Variants in PSMD5 observed in about 807,000 individuals in gnomAD.
The protein encoded by PSMD5 is proteasome 26S subunit, non-ATPase 5, also known as 26S proteasome non-ATPase regulatory subunit 5.
Under a neutral mutation model 52.1 loss-of-function variants are expected in PSMD5, and 40 were observed. The observed-to-expected ratio is 0.77, with a 90% confidence interval of 0.60 to 1.00. The LOEUF is 1.00. PSMD5 is among the 50% of genes least tolerant of loss of function. The probability of loss-of-function intolerance (pLI) is 0.00; values close to 1 mark genes in which losing one functional copy is unlikely to be tolerated. For missense variants in PSMD5, 575 were observed against 605.2 expected, an observed-to-expected ratio of 0.95 and a Z score of 0.52; for synonymous variants, 211 against 226.6, an observed-to-expected ratio of 0.93 and a Z score of 0.62.
In PSMD5 at chr9:120,817,597, C is replaced by T. The variant is rs1395213725; in HGVS notation, c.*309G>A. ...TGAAGCAGGCTTTTAGATAAGATTGCATGTCCATGAAAATTTTGAGGGAAG... is the reference window on the plus strand; with the variant it reads ...TGAAGCAGGCTTTTAGATAAGATTGTATGTCCATGAAAATTTTGAGGGAAG... On this transcript the variant is annotated 3_prime_UTR_variant, in exon 10 of 10. Coordinates refer to ENST00000210313, the MANE Select transcript of PSMD5 (RefSeq NM_005047.4). The T allele has an allele frequency of 7.1e-6, 2 of 280,770 alleles. No individual in the cohort carries two copies. Among genetic ancestry groups the T allele is most frequent in the Non-Finnish European group, 1.3e-5 (2 of 148,472 alleles). The allele number at this position is 280,770 out of a possible 1,614,324, so 17.4% of individuals were successfully genotyped here.
intron 9 of PSMD5, among the ~76,000 whole-genome samples, chr9:120,819,694 G>A (rs1391258825): frequency 1.3e-5 from 2 of 152,160 alleles, no homozygotes; most frequent in Non-Finnish European, 2.9e-5. Flanking sequence ...GAAATTAGTC[G>A]GGCATGGTGG....
At chr9:120,826,493 A>G in intron 6 of PSMD5, 1 of 326,164 alleles carries the variant, frequency 3.1e-6, no homozygotes, top group Non-Finnish European at 5.5e-6. Flanking sequence ...TTCTGTTAAC[A>G]TAGTATATCT....
intron 7 of PSMD5, 38 bp downstream of exon 7, chr9:120,824,456 G>C (rs113401299): frequency 1.3e-6 from 2 of 1,598,694 alleles, no homozygotes; most frequent in Admixed American, 3.3e-5. Context: ...CCCTGTCAAA[G>C]ATTAAGATAT....
chr9:120,838,096 C>T (rs2045210316), intron 1 of PSMD5, among the ~76,000 whole-genome samples: 1 of 152,180 alleles, frequency 6.6e-6, no homozygotes, highest in South Asian at 2.1e-4. Context: ...TGAGAGAAAG[C>T]AGATCAGTGG....
intron 1 of PSMD5, among the ~76,000 whole-genome samples, chr9:120,841,477 GC>G (rs2045236115): frequency 6.6e-6 from 1 of 152,138 alleles, no homozygotes; most frequent in Non-Finnish European, 1.5e-5. Flanking sequence ...TACTCGGCAG[GC>G]TGAGGCAGGA....
Position 120,831,636 on chromosome 9 carries a change from A to G in PSMD5, c.433-177T>C, listed in dbSNP as rs921906246. ...ATTATGATGGATACTGTAGATATGT[A>G]TATCCTAGAAAATGAAAGGGGTTTA... On this transcript the variant is annotated intron_variant, in intron 3 of 9. Transcript: ENST00000210313. 1.3e-5 allele frequency: 14 copies of G among 1,078,068 alleles called. No homozygotes were observed. In the African/African-American group the frequency reaches 2.1e-4, roughly 16 times the overall value. The allele number at this position is 1,078,068 out of a possible 1,614,324, so 66.8% of individuals were successfully genotyped here. A position where few individuals can be genotyped will look rare whatever the true frequency, so the allele number is the denominator to read the frequency against.
intron 4 of PSMD5, 53 bp from the exon 5 acceptor site, chr9:120,829,261 G>A (rs778598830): frequency 1.2e-5 from 18 of 1,462,414 alleles, no homozygotes; most frequent in South Asian, 5.6e-5. Flanking sequence ...TCAGCCCTAC[G>A]CCTGATAGAT....
chr9:120,826,016 ATGGAGTCTCACTC>A (rs2045119424), intron 6 of PSMD5, among the ~76,000 whole-genome samples: 1 of 129,142 alleles, frequency 7.7e-6, no homozygotes, highest in African/African-American at 3.0e-5. Flanking sequence ...TTTTTTTGAG[ATGGAGTCTCACTC>A]TGTTGTCCAG....
chr9:120,832,963 T>C (rs1319958006), intron 2 of PSMD5, among the ~76,000 whole-genome samples: 1 of 152,242 alleles, frequency 6.6e-6, no homozygotes, highest in East Asian at 1.9e-4. Context: ...TTCTTTACAC[T>C]AGGAGCTCCT....
chr9:120,834,064 C>A (rs922328501), intron 1 of PSMD5, among the ~76,000 whole-genome samples: 1 of 150,490 alleles, frequency 6.6e-6, no homozygotes, highest in African/African-American at 2.5e-5. Flanking sequence ...ACTGCAACCT[C>A]CGCCTCCTGG....
chr9:120,830,984 G>A (rs2045155749), intron 4 of PSMD5, among the ~76,000 whole-genome samples: 1 of 152,038 alleles, frequency 6.6e-6, no homozygotes, highest in African/African-American at 2.4e-5. Flanking sequence ...TCTGGGCTCA[G>A]TTGATCCTCC....
intron 7 of PSMD5, 60 bp from the exon 8 acceptor site, chr9:120,821,524 T>A (rs1564474016): frequency 4.9e-5 from 61 of 1,240,202 alleles, no homozygotes; most frequent in Non-Finnish European, 6.7e-5. Context: ...AACATAAAAT[T>A]TACCATTTTA....
At chr9:120,831,559 A>G in intron 3 of PSMD5, 100 bp from the exon 4 acceptor site, 2 of 1,361,374 alleles carry the variant, frequency 1.5e-6, no homozygotes, top group Admixed American at 2.4e-5. Flanking sequence ...CACCTTGCCC[A>G]TGTTTTAGCT....
chr9:120,836,167 T>C (rs1372727538), intron 1 of PSMD5, among the ~76,000 whole-genome samples: 1 of 152,220 alleles, frequency 6.6e-6, no homozygotes. Flanking sequence ...CAGAATTTCC[T>C]TTCTTTTTGA....
At chr9:120,837,838 CAG>C (rs2131436632) in intron 1 of PSMD5, among the ~76,000 whole-genome samples, 1 of 152,278 alleles carries the variant, frequency 6.6e-6, no homozygotes, top group Non-Finnish European at 1.5e-5. Flanking sequence ...TATCTCCAAA[CAG>C]AAAACAATTC....
At chr9:120,840,480 T>C (rs2045227211) in intron 1 of PSMD5, among the ~76,000 whole-genome samples, 1 of 141,956 alleles carries the variant, frequency 7.0e-6, no homozygotes, top group Admixed American at 7.1e-5. Flanking sequence ...GGAGTCTCAC[T>C]GTGTTGCCAG....
At position 120,826,778 on chromosome 9, in the gene PSMD5, G is replaced by A. The variant is rs1410222705; in HGVS notation, c.801C>T (p.Ser267=). Reference sequence around the variant, plus strand: ...AGTGTTCCTTACCTGGCAGATAGAAGCTAGAGAAAGGGTCTGAATCTGCCC... The same window carrying A: ...AGTGTTCCTTACCTGGCAGATAGAAACTAGAGAAAGGGTCTGAATCTGCCC... ...IVGADSDPFS[S]FYLPGFVKFF... is the part of the protein sequence containing the mutation. The change falls in exon 6 of 10, where the codon AGC becomes AGT. Residue 267 remains serine (S), a synonymous_variant. Transcript: ENST00000210313. 6.2e-7 allele frequency: 1 copy of A among 1,613,604 alleles called. No homozygotes were observed. The highest frequency in any genetic ancestry group is 1.7e-5 in the Admixed American group (1 of 59,968).
At chr9:120,841,590 C>CA (rs1554814053) in intron 1 of PSMD5, among the ~76,000 whole-genome samples, 10 of 151,726 alleles carry the variant, frequency 6.6e-5, no homozygotes, top group South Asian at 2.1e-4. Flanking sequence ...AACAAACAAA[C>CA]AAACAAAACA....
chr9:120,834,966 T>G (rs541619841), intron 1 of PSMD5, among the ~76,000 whole-genome samples: 74 of 152,350 alleles, frequency 4.9e-4, no homozygotes, highest in African/African-American at 1.6e-3. Flanking sequence ...TGTCTCTTAA[T>G]AGACACTACA....
Sources: gnomAD v4.1 joint callset for allele counts (sites outside exome capture counted in the v4.1 genomes callset) on GRCh38, gnomAD v4.1.1 for gene constraint, MANE v1.5 for transcripts, NCBI Gene and HGNC (gene_info 2026-07-23, HGNC 2026-07-21) for gene names.